DYM: variants seen among roughly 807,000 people sequenced by gnomAD.
DYM encodes dyggve-Melchior-Clausen syndrome protein.
A neutral mutation model predicts 93.1 loss-of-function variants in DYM; 78 were observed. The observed-to-expected ratio is 0.84, with a 90% CI of 0.70 to 1.01. The LOEUF (loss-of-function observed/expected upper bound fraction) is 1.01, where lower values mean the gene tolerates loss of function less well. Among genes scored for constraint, DYM ranks in the 50% least tolerant of loss-of-function variants. DYM has a pLI of 0.00. For synonymous variants in DYM, 321 were observed against 319.7 expected (o/e 1.00, Z -0.04); for missense variants, 789 against 845.0 (o/e 0.93, Z 0.82).
intron 17 of DYM, chr18:49,049,698 T>G (rs1366997687): frequency 1.3e-5 from 2 of 154,376 alleles, no homozygotes; most frequent in Admixed American, 6.5e-5. Flanking sequence ...TAATCAAACC[T>G]AAAGACTAGA....
At chr18:49,135,040 G>A (rs1162060724) in intron 15 of DYM, among the ~76,000 whole-genome samples, 2 of 152,056 alleles carry the variant, frequency 1.3e-5, no homozygotes, top group Non-Finnish European at 2.9e-5. Context: ...TCCGGGAGGC[G>A]GAGGTTGCAG....
At chr18:49,400,099 C>A (rs2070641354) in intron 2 of DYM, among the ~76,000 whole-genome samples, 1 of 151,430 alleles carries the variant, frequency 6.6e-6, no homozygotes, top group Admixed American at 6.6e-5. Flanking sequence ...TGCCACCACG[C>A]CTGGCTAATT....
chr18:49,372,538 T>G (rs1040680625), intron 5 of DYM, among the ~76,000 whole-genome samples: 5 of 151,932 alleles, frequency 3.3e-5, no homozygotes, highest in African/African-American at 9.7e-5. Flanking sequence ...AGGTCAGGAG[T>G]TCGTGACCAG....
At chr18:49,254,958 G>C (rs189546256) in intron 13 of DYM, among the ~76,000 whole-genome samples, 4 of 152,174 alleles carry the variant, frequency 2.6e-5, no homozygotes, top group Non-Finnish European at 5.9e-5. Flanking sequence ...AGACTGCTAT[G>C]TTTATTTTAA....
chr18:49,359,825 G>C (rs1405964250), intron 6 of DYM: 2 of 152,220 alleles, frequency 1.3e-5, no homozygotes, highest in Admixed American at 6.5e-5. Flanking sequence ...GTTCAGGTGT[G>C]AGAGCATTCG....
At chr18:49,426,755 A>ACGTGTGTGTGTGTGTG (rs201910559) in intron 2 of DYM, among the ~76,000 whole-genome samples, 2 of 147,694 alleles carry the variant, frequency 1.4e-5, no homozygotes, top group Admixed American at 6.8e-5. Context: ...ACTGGAAAAC[A>ACGTGTGTGTGTGTGTG]TGTGTGTGTG....
At chr18:49,176,514 G>A (rs1349121039) in intron 14 of DYM, among the ~76,000 whole-genome samples, 4 of 148,116 alleles carry the variant, frequency 2.7e-5, no homozygotes, top group Non-Finnish European at 6.0e-5. Flanking sequence ...GGACCCAAGT[G>A]ATTCTCCAGC....
chr18:49,328,385 GA>G (rs1340617933), intron 8 of DYM, among the ~76,000 whole-genome samples: 1 of 152,088 alleles, frequency 6.6e-6, no homozygotes, highest in Non-Finnish European at 1.5e-5. Flanking sequence ...AGAAAATAAA[GA>G]GCCAGAGAGA....
In DYM at chr18:49,295,223, T is replaced by C. The variant is rs538916350; in HGVS notation, c.764-8607A>G. 2.0e-5 allele frequency among the ~76,000 whole-genome samples: 3 copies of C among 152,240 alleles called. No individual in the cohort carries two copies. The South Asian group carries it at 6.2e-4, about 32-fold the overall frequency. ...AGGAAAGAAAGTTTCACCAAAAAAG[T>C]TATTGAACATGCATTTCAGGACAAA... On this transcript the variant is annotated intron_variant, in intron 8 of 17. Coordinates refer to ENST00000675505, the MANE Select transcript of DYM (RefSeq NM_001353214.3).
chr18:49,120,614 A>G (rs1295485220), intron 15 of DYM, among the ~76,000 whole-genome samples: 1 of 152,204 alleles, frequency 6.6e-6, no homozygotes, highest in African/African-American at 2.4e-5. Flanking sequence ...TGTACTTTCA[A>G]TCTGCGTTGG....
At chr18:49,060,802 A>AGG (rs1193045808) in intron 17 of DYM, among the ~76,000 whole-genome samples, 3 of 151,414 alleles carry the variant, frequency 2.0e-5, no homozygotes, top group Non-Finnish European at 2.9e-5. Context: ...GGAGAGAGAG[A>AGG]GAGACCGTGA....
intron 1 of DYM, among the ~76,000 whole-genome samples, chr18:49,454,338 G>A (rs146567931): frequency 5.9e-5 from 9 of 152,118 alleles, no homozygotes; most frequent in Admixed American, 2.6e-4. Flanking sequence ...TTCTAACAAA[G>A]AGCAGCCTGC....
At chr18:49,139,319 C>T (rs925522275) in intron 15 of DYM, among the ~76,000 whole-genome samples, 1 of 152,074 alleles carries the variant, frequency 6.6e-6, no homozygotes, top group African/African-American at 2.4e-5. Flanking sequence ...TTTCCTCCAA[C>T]ATTTGCTTTC....
chr18:49,430,532 A>C, intron 1 of DYM, 85 bp from the exon 2 acceptor site: 2 of 1,014,314 alleles, frequency 2.0e-6, no homozygotes, highest in Non-Finnish European at 2.9e-6. Flanking sequence ...AAACTTACTA[A>C]AGAAAATCAC....
At chr18:49,358,933 G>C (rs929860788) in intron 6 of DYM, among the ~76,000 whole-genome samples, 1 of 152,158 alleles carries the variant, frequency 6.6e-6, no homozygotes, top group African/African-American at 2.4e-5. Flanking sequence ...ATCACAAGCA[G>C]CCCCAAAATA....
chr18:49,115,357 A>C (rs2081834768), intron 16 of DYM, among the ~76,000 whole-genome samples: 1 of 152,254 alleles, frequency 6.6e-6, no homozygotes, highest in South Asian at 2.1e-4. Flanking sequence ...AATACAAAGA[A>C]AATATTGCCT....
At chr18:49,057,049 C>A (rs2075557695) in intron 17 of DYM, among the ~76,000 whole-genome samples, 1 of 152,226 alleles carries the variant, frequency 6.6e-6, no homozygotes, top group Non-Finnish European at 1.5e-5. Flanking sequence ...AGTTTCATAT[C>A]TCAGTGTGTT....
At chr18:49,341,897 C>A (rs544440349) in intron 6 of DYM, among the ~76,000 whole-genome samples, 1 of 152,196 alleles carries the variant, frequency 6.6e-6, no homozygotes, top group Non-Finnish European at 1.5e-5. Flanking sequence ...CTTTGAGAAG[C>A]TGAATATGTT....
At chr18:49,441,869 C>T (rs1167389432) in intron 1 of DYM, among the ~76,000 whole-genome samples, 6 of 152,084 alleles carry the variant, frequency 3.9e-5, no homozygotes, top group South Asian at 2.1e-4. Context: ...GACTATTATG[C>T]GTGCTTCCCA....
Sources: gnomAD v4.1 joint callset for allele counts (sites outside exome capture counted in the v4.1 genomes callset) on GRCh38, gnomAD v4.1.1 for gene constraint, MANE v1.5 for transcripts, NCBI Gene and HGNC (gene_info 2026-07-23, HGNC 2026-07-21) for gene names.